Variants in NRXN1 observed in about 807,000 individuals in gnomAD.
NRXN1 encodes neurexin-1.
In NRXN1, 39 loss-of-function variants were observed where a neutral mutation model predicts 150.9. The observed-to-expected ratio is 0.26, with a 90% confidence interval of 0.20 to 0.34. NRXN1 has a LOEUF of 0.34. Among genes scored for constraint, NRXN1 ranks in the 10% least tolerant of loss-of-function variants. The pLI is 1.00. For missense variants in NRXN1, 1,815 were observed against 1,949.9 expected, an observed-to-expected ratio of 0.93 and a Z score of 1.30; for synonymous variants, 924 against 757.0, an observed-to-expected ratio of 1.22 and a Z score of -3.62.
intron 5 of NRXN1, among the ~76,000 whole-genome samples, chr2:50,881,401 T>C (rs948431286): frequency 6.6e-5 from 10 of 152,108 alleles, no homozygotes; most frequent in African/African-American, 2.4e-4. Flanking sequence ...TCTGGCATGG[T>C]CAATGTTATT....
chr2:50,185,844 A>G (rs929622241), intron 18 of NRXN1, among the ~76,000 whole-genome samples: 2 of 152,108 alleles, frequency 1.3e-5, no homozygotes, highest in African/African-American at 4.8e-5. Context: ...CATTCATGTG[A>G]GCAAAATGGT....
At chr2:50,548,035 TCA>T (rs2093532365) in intron 9 of NRXN1, 2 of 152,172 alleles carry the variant, frequency 1.3e-5, no homozygotes, top group Non-Finnish European at 2.9e-5. Context: ...GTGTTATTTC[TCA>T]TTGAATAAGG....
chr2:50,154,544 A>C (rs577024791), intron 18 of NRXN1, among the ~76,000 whole-genome samples: 1 of 151,738 alleles, frequency 6.6e-6, no homozygotes, highest in Non-Finnish European at 1.5e-5. Flanking sequence ...AAAAAAGGAC[A>C]GTTCTAAAGA....
chr2:49,934,387 C>T (rs966040473), intron 22 of NRXN1, among the ~76,000 whole-genome samples: 8 of 152,140 alleles, frequency 5.3e-5, no homozygotes, highest in East Asian at 1.9e-4. Context: ...CCAGGGTGCC[C>T]GCACAGCATC....
chr2:49,997,989 C>G (rs62134651), intron 21 of NRXN1, among the ~76,000 whole-genome samples: 69,581 of 151,500 alleles, frequency 0.46, 16,493 homozygotes, highest in Middle Eastern at 0.61. Context: ...TAAAATGCTG[C>G]TGCATTGCTT....
intron 15 of NRXN1, among the ~76,000 whole-genome samples, chr2:50,485,062 A>G (rs1339688824): frequency 6.6e-6 from 1 of 152,240 alleles, no homozygotes; most frequent in East Asian, 1.9e-4. Flanking sequence ...TGACAAATGA[A>G]TAACTCACTT....
intron 18 of NRXN1, among the ~76,000 whole-genome samples, chr2:50,209,553 A>G (rs1328424382): frequency 6.6e-6 from 1 of 152,100 alleles, no homozygotes; most frequent in Non-Finnish European, 1.5e-5. Context: ...TCAGTTCAAA[A>G]TAGTTTTTGA....
chr2:50,610,049 T>C (rs1255335878), intron 8 of NRXN1, among the ~76,000 whole-genome samples: 1 of 152,130 alleles, frequency 6.6e-6, no homozygotes, highest in Non-Finnish European at 1.5e-5. Flanking sequence ...ATGATTTTCC[T>C]GGGGAAAAAA....
At position 50,871,565 on chromosome 2, in the gene NRXN1, G is replaced by A. The variant is rs189524193; in HGVS notation, c.832+50304C>T. 2.9e-3 allele frequency among the ~76,000 whole-genome samples: 442 copies of A among 151,958 alleles called. 3 individuals carry two copies. Among genetic ancestry groups the A allele is most frequent in the South Asian group, 8.7e-3 (42 of 4,822 alleles). On this transcript the variant is annotated intron_variant, in intron 5 of 22. Transcript: ENST00000401669. ...AATTTAAGAGAAATATACAGGCACA[G>A]GCCACATTGTTAGATCTAGATATGT... is the stretch of plus-strand genomic sequence containing the variant.
At chr2:50,845,732 T>C (rs1673546975) in intron 5 of NRXN1, among the ~76,000 whole-genome samples, 1 of 152,178 alleles carries the variant, frequency 6.6e-6, no homozygotes, top group Non-Finnish European at 1.5e-5. Context: ...AAATATGTGT[T>C]TAAAAATTTC....
intron 18 of NRXN1, among the ~76,000 whole-genome samples, chr2:50,100,960 T>C (rs948011853): frequency 6.6e-6 from 1 of 152,068 alleles, no homozygotes; most frequent in East Asian, 1.9e-4. Context: ...TACTTTCCAT[T>C]TGGATAGTTA....
rs1160032695 is a variant in NRXN1, at chr2:50,362,716, C to T, written c.3364+102726G>A. On this transcript the variant is annotated intron_variant, in intron 17 of 22. Coordinates refer to ENST00000401669, the MANE Select transcript of NRXN1 (RefSeq NM_001330078.2). ...GTTTTTCCCATCAAGCTACCATTGACTTCCTTTACCAAATTAGAAAAAAGT... is the reference window on the plus strand; with the variant it reads ...GTTTTTCCCATCAAGCTACCATTGATTTCCTTTACCAAATTAGAAAAAAGT... 2.0e-5 allele frequency among the ~76,000 whole-genome samples: 3 copies of T among 152,188 alleles called. 1 individual carries two copies. In the South Asian group the frequency reaches 6.2e-4, roughly 31 times the overall value.
At chr2:50,518,040 T>A (rs548598662) in intron 12 of NRXN1, among the ~76,000 whole-genome samples, 68 of 152,264 alleles carry the variant, frequency 4.5e-4, no homozygotes, top group African/African-American at 1.6e-3. Context: ...CCTCTGTAGT[T>A]TTGTCATTGA....
intron 18 of NRXN1, among the ~76,000 whole-genome samples, chr2:50,167,569 C>G (rs1451422113): frequency 6.6e-6 from 1 of 151,082 alleles, no homozygotes; most frequent in Non-Finnish European, 1.5e-5. Context: ...AAAAAAACAA[C>G]CTGATTATCA....
Position 50,301,866 on chromosome 2 carries a change from A to G in NRXN1, c.3365-64896T>C, listed in dbSNP as rs116474382. On this transcript the variant is annotated intron_variant, in intron 17 of 22. Coordinates refer to ENST00000401669, the MANE Select transcript of NRXN1 (RefSeq NM_001330078.2). ...TGTTTGGTGACAGTGGAAGAGGTAT[A>G]CAAATGAATGAGACATTCTTTCCCT... Among the ~76,000 whole-genome samples the G allele has an allele frequency of 2.5e-3, 380 of 152,286 alleles. 1 individual carries two copies. Among genetic ancestry groups the G allele is most frequent in the African/African-American group, 8.7e-3 (363 of 41,564 alleles).
intron 2 of NRXN1, among the ~76,000 whole-genome samples, chr2:50,984,777 T>C (rs578237611): frequency 6.1e-4 from 93 of 152,184 alleles, no homozygotes; most frequent in Middle Eastern, 3.4e-3. Context: ...GCTTCTTTAA[T>C]AGATGTTAAC....
chr2:50,373,626 AAAAGAAAGAAAG>A (rs202127677), intron 17 of NRXN1, among the ~76,000 whole-genome samples: 6,224 of 98,462 alleles, frequency 0.063, 287 homozygotes, highest in Middle Eastern at 0.12. Flanking sequence ...AGAGAGAAAG[AAAAGAAAGAAAG>A]AAAGAAAGAA....
At chr2:50,978,049 T>G (rs1416306147) in intron 2 of NRXN1, among the ~76,000 whole-genome samples, 1 of 151,278 alleles carries the variant, frequency 6.6e-6, no homozygotes, top group East Asian at 1.9e-4. Flanking sequence ...AAGTTGGACA[T>G]CAGTGGGCAA....
chr2:50,755,607 A>C (rs981153616), intron 5 of NRXN1, among the ~76,000 whole-genome samples: 3 of 151,830 alleles, frequency 2.0e-5, no homozygotes, highest in Non-Finnish European at 2.9e-5. Context: ...ATAAAATGTT[A>C]GGCTTTAAAC....
Sources: gnomAD v4.1 joint callset for allele counts (sites outside exome capture counted in the v4.1 genomes callset) on GRCh38, gnomAD v4.1.1 for gene constraint, MANE v1.5 for transcripts, NCBI Gene and HGNC (gene_info 2026-07-23, HGNC 2026-07-21) for gene names.